Variants in ATP8B4 observed in about 807,000 individuals in gnomAD.
ATP8B4 encodes ATPase phospholipid transporting 8B4 (putative), also known as probable phospholipid-transporting ATPase IM.
Under a neutral mutation model 145.6 loss-of-function variants are expected in ATP8B4, and 133 were observed. The observed-to-expected ratio is 0.91, with a 90% confidence interval of 0.79 to 1.05. The LOEUF (loss-of-function observed/expected upper bound fraction) is 1.05. Ranked by LOEUF, ATP8B4 falls within the 50% of genes least tolerant of loss-of-function variation. ATP8B4 has a pLI of 0.00. For synonymous variants in ATP8B4, 507 were observed against 492.9 expected, an observed-to-expected ratio of 1.03 and a Z score of -0.38; for missense variants, 1,458 against 1,425.2, an observed-to-expected ratio of 1.02 and a Z score of -0.37.
intron 14 of ATP8B4, among the ~76,000 whole-genome samples, chr15:49,936,890 G>T (rs2041782188): frequency 6.6e-6 from 1 of 151,096 alleles, no homozygotes; most frequent in Admixed American, 6.6e-5. Context: ...TAATCTTCCA[G>T]CCCTTCTATT....
At chr15:49,976,470 C>A (rs1237078382) in intron 12 of ATP8B4, among the ~76,000 whole-genome samples, 1 of 152,012 alleles carries the variant, frequency 6.6e-6, no homozygotes, top group Non-Finnish European at 1.5e-5. Flanking sequence ...AGTGACTAAC[C>A]CAAGGTCACA....
chr15:49,899,527 C>T (rs2037790626), intron 21 of ATP8B4, among the ~76,000 whole-genome samples: 2 of 152,128 alleles, frequency 1.3e-5, no homozygotes, highest in Non-Finnish European at 2.9e-5. Flanking sequence ...TTCTCATGTT[C>T]AAACCTATAA....
chr15:50,033,526 G>C (rs961737658), intron 6 of ATP8B4, among the ~76,000 whole-genome samples: 2 of 152,148 alleles, frequency 1.3e-5, no homozygotes, highest in Non-Finnish European at 2.9e-5. Context: ...TATTTATTAT[G>C]TGAAAAACTA....
intron 1 of ATP8B4, among the ~76,000 whole-genome samples, chr15:50,161,338 T>C (rs529653413): frequency 6.6e-6 from 1 of 152,218 alleles, no homozygotes; most frequent in East Asian, 1.9e-4. Flanking sequence ...GTATGTCTTT[T>C]CATTGGAGAG....
At chr15:50,092,365 G>A (rs2055666835) in intron 2 of ATP8B4, among the ~76,000 whole-genome samples, 1 of 151,752 alleles carries the variant, frequency 6.6e-6, no homozygotes, top group African/African-American at 2.4e-5. Context: ...ACAAATTAGT[G>A]GTTATGGCAG....
intron 6 of ATP8B4, among the ~76,000 whole-genome samples, chr15:50,015,033 C>T (rs945211260): frequency 2.2e-4 from 33 of 152,286 alleles, no homozygotes; most frequent in Middle Eastern, 3.4e-3. Flanking sequence ...GAAACACTTA[C>T]TTAATCATGG....
At chr15:49,949,480 G>A (rs1008672219) in intron 14 of ATP8B4, among the ~76,000 whole-genome samples, 2 of 151,960 alleles carry the variant, frequency 1.3e-5, no homozygotes, top group East Asian at 3.9e-4. Context: ...GCCTATTGTT[G>A]GTGTAAAGGA....
At position 49,899,282 on chromosome 15, in the gene ATP8B4, T is replaced by C. The variant is rs142994010; in HGVS notation, c.2290-1031A>G. On this transcript the variant is annotated intron_variant, in intron 21 of 27. Coordinates refer to ENST00000284509, the MANE Select transcript of ATP8B4 (RefSeq NM_024837.4). ...CTGATTCTCCCACAAAGAAGTAAATTTGTCTCCCTCTGTGCTCTCAAAGCA... is the reference window on the plus strand; with the variant it reads ...CTGATTCTCCCACAAAGAAGTAAATCTGTCTCCCTCTGTGCTCTCAAAGCA... 5.5e-3 allele frequency among the ~76,000 whole-genome samples: 842 copies of C among 152,284 alleles called. 7 individuals carry two copies. Among genetic ancestry groups the C allele is most frequent in the Middle Eastern group, 0.024 (7 of 294 alleles).
At chr15:50,143,334 G>T (rs1478223037) in intron 1 of ATP8B4, among the ~76,000 whole-genome samples, 1 of 152,200 alleles carries the variant, frequency 6.6e-6, no homozygotes, top group Non-Finnish European at 1.5e-5. Context: ...GCTTGACTGG[G>T]GCTGGAGGAA....
At chr15:49,879,567 T>C (rs1337375044) in intron 23 of ATP8B4, 108 bp from the exon 24 acceptor site, 3 of 897,276 alleles carry the variant, frequency 3.3e-6, no homozygotes, top group Non-Finnish European at 5.1e-6. Flanking sequence ...AGTTGACTTT[T>C]GGAATCAGAC....
chr15:49,876,903 G>A (rs1218854504), intron 24 of ATP8B4, among the ~76,000 whole-genome samples: 1 of 152,170 alleles, frequency 6.6e-6, no homozygotes, highest in Non-Finnish European at 1.5e-5. Flanking sequence ...GCAGCCAATG[G>A]GCCCCAGAAG....
chr15:49,861,943 A>G (rs2031893487), intron 27 of ATP8B4, among the ~76,000 whole-genome samples: 1 of 152,140 alleles, frequency 6.6e-6, no homozygotes, highest in African/African-American at 2.4e-5. Context: ...CCTTGGAAAA[A>G]TTGTCCAAAA....
chr15:50,162,089 A>C (rs2044528679), intron 1 of ATP8B4, among the ~76,000 whole-genome samples: 1 of 152,078 alleles, frequency 6.6e-6, no homozygotes, highest in African/African-American at 2.4e-5. Flanking sequence ...ATGTCATGCC[A>C]CTTTCTCCTG....
intron 14 of ATP8B4, among the ~76,000 whole-genome samples, chr15:49,941,253 A>G (rs2440377): frequency 0.73 from 111,336 of 152,056 alleles, 41,762 homozygotes; most frequent in African/African-American, 0.88. Flanking sequence ...AAGGGTGTGA[A>G]TCAACTGTCA....
intron 9 of ATP8B4, among the ~76,000 whole-genome samples, chr15:49,991,375 A>G (rs1443595879): frequency 6.6e-6 from 1 of 152,210 alleles, no homozygotes; most frequent in African/African-American, 2.4e-5. Flanking sequence ...AACAGATCTC[A>G]GTTCAGTCAG....
chr15:50,009,447 T>C (rs1351751046), intron 7 of ATP8B4: 1 of 254,012 alleles, frequency 3.9e-6, no homozygotes, highest in Non-Finnish European at 7.8e-6. Context: ...AATCACAGCA[T>C]GGAACGGATT....
chr15:49,940,204 AC>A (rs1393030876), intron 14 of ATP8B4, among the ~76,000 whole-genome samples: 4 of 152,254 alleles, frequency 2.6e-5, no homozygotes, highest in African/African-American at 7.2e-5. Flanking sequence ...ACCATGGAAT[AC>A]TATACAGCCA....
chr15:50,143,026 G>A (rs577176611), intron 1 of ATP8B4, among the ~76,000 whole-genome samples: 1 of 152,328 alleles, frequency 6.6e-6, no homozygotes, highest in South Asian at 2.1e-4. Flanking sequence ...ACCTGGAGAT[G>A]CCAGGACCTT....
chr15:50,104,132 GAAGAT>G (rs1223236879), intron 2 of ATP8B4, among the ~76,000 whole-genome samples: 6 of 152,094 alleles, frequency 3.9e-5, no homozygotes, highest in Non-Finnish European at 7.4e-5. Context: ...AAAAATTATA[GAAGAT>G]AACATGAGAA....
Sources: allele counts gnomAD v4.1 joint callset (sites outside exome capture counted in the v4.1 genomes callset), GRCh38; gene constraint gnomAD v4.1.1; transcripts MANE v1.5; gene names NCBI Gene and HGNC (gene_info 2026-07-23, HGNC 2026-07-21).